The following SSBP2 variants were observed in gnomAD, a reference collection of about 807,000 sequenced individuals.
SSBP2 encodes the protein single-stranded DNA-binding protein 2.
SSBP2 carries 17 observed loss-of-function variants against 61.8 expected under a neutral mutation model. That is an observed-to-expected ratio of 0.28 (90% CI 0.19 to 0.41). The LOEUF is 0.41. Among genes scored for constraint, SSBP2 ranks in the 10% least tolerant of loss-of-function variants. The pLI is 1.00. For synonymous variants in SSBP2, 139 were observed against 141.3 expected (o/e 0.98, Z 0.12); for missense variants, 310 against 458.7 (o/e 0.68, Z 2.96).
At chr5:81,742,272 T>C (rs34670701) in intron 1 of SSBP2, among the ~76,000 whole-genome samples, 17,345 of 152,270 alleles carry the variant, frequency 0.11, 1,167 homozygotes, top group Admixed American at 0.15. Flanking sequence ...CATCATAATA[T>C]AATCTTCCAT....
chr5:81,538,186 AGAT>A (rs1364143157), intron 4 of SSBP2, among the ~76,000 whole-genome samples: 1 of 152,218 alleles, frequency 6.6e-6, no homozygotes, highest in African/African-American at 2.4e-5. Flanking sequence ...AGTGAAACAC[AGAT>A]GATAAGAAAG....
chr5:81,458,679 T>C (rs1012993896), intron 10 of SSBP2, among the ~76,000 whole-genome samples: 2 of 152,158 alleles, frequency 1.3e-5, no homozygotes, highest in African/African-American at 4.8e-5. Flanking sequence ...TGTTTTAATA[T>C]TAAATATGGG....
At chr5:81,587,747 G>T (rs1377108676) in intron 4 of SSBP2, among the ~76,000 whole-genome samples, 1 of 128,230 alleles carries the variant, frequency 7.8e-6, no homozygotes, top group Non-Finnish European at 1.6e-5. Flanking sequence ...ACACACACAC[G>T]CACACACACG....
intron 6 of SSBP2, among the ~76,000 whole-genome samples, chr5:81,482,282 T>C (rs1766050075): frequency 6.6e-6 from 1 of 152,096 alleles, no homozygotes; most frequent in Admixed American, 6.6e-5. Context: ...TTTTTCAGAA[T>C]GGTACATGAG....
At position 81,418,036 on chromosome 5, in the gene SSBP2, G is replaced by A. The variant is rs570362781; in HGVS notation, c.*2468C>T. On this transcript the variant is annotated 3_prime_UTR_variant, in exon 17 of 17. Coordinates refer to ENST00000320672, the MANE Select transcript of SSBP2 (RefSeq NM_012446.5). The stretch of plus-strand genomic sequence containing the variant: ...AAGAAATAATACCTTCTCAGAAGGC[G>A]AAGAAAAGAATTTCAAGATCGGTAA... 7 of 152,270 alleles carry A rather than the reference G, an allele frequency of 4.6e-5. No homozygotes were observed. In the South Asian group the frequency reaches 1.0e-3, roughly 23 times the overall value. 9.4% of individuals were successfully genotyped at this position (152,270 alleles called of 1,614,324 possible).
chr5:81,492,565 T>A lies in SSBP2; in HGVS notation c.373-3256A>T, dbSNP rs567567958. 3.8e-4 allele frequency among the ~76,000 whole-genome samples: 58 copies of A among 151,742 alleles called. 1 individual carries two copies. The highest frequency in any genetic ancestry group is 7.2e-4 in the Non-Finnish European group (49 of 67,954). On this transcript the variant is annotated intron_variant, in intron 5 of 16. Coordinates refer to ENST00000320672, the MANE Select transcript of SSBP2 (RefSeq NM_012446.5). Reference sequence around the variant, plus strand: ...TGTTTGGCTCTTAAAATGTGTTTACTCTTTATGTTTGGGGCAACATTCTTT... The same window carrying A: ...TGTTTGGCTCTTAAAATGTGTTTACACTTTATGTTTGGGGCAACATTCTTT...
At chr5:81,570,823 G>C (rs555619646) in intron 4 of SSBP2, among the ~76,000 whole-genome samples, 2 of 152,182 alleles carry the variant, frequency 1.3e-5, no homozygotes, top group Non-Finnish European at 2.9e-5. Flanking sequence ...CCCTAGTGAA[G>C]TCCATAATAC....
At chr5:81,426,405 C>T (rs1761953206) in intron 16 of SSBP2, among the ~76,000 whole-genome samples, 1 of 152,100 alleles carries the variant, frequency 6.6e-6, no homozygotes, top group South Asian at 2.1e-4. Flanking sequence ...AATTATTTTT[C>T]CTTTTACAAC....
intron 4 of SSBP2, among the ~76,000 whole-genome samples, chr5:81,609,935 A>G (rs184176285): frequency 2.6e-5 from 4 of 152,316 alleles, no homozygotes; most frequent in African/African-American, 9.6e-5. Context: ...GATTCCAGGT[A>G]TTCAACCACC....
intron 1 of SSBP2, among the ~76,000 whole-genome samples, chr5:81,663,141 T>C (rs957367665): frequency 6.6e-6 from 1 of 152,182 alleles, no homozygotes; most frequent in Non-Finnish European, 1.5e-5. Context: ...ATAAGAAAGA[T>C]AGGCAAGATA....
intron 1 of SSBP2, among the ~76,000 whole-genome samples, chr5:81,743,067 T>C (rs1375594283): frequency 6.6e-6 from 1 of 152,194 alleles, no homozygotes; most frequent in Non-Finnish European, 1.5e-5. Context: ...ATCATCATTA[T>C]AAAAGCCCCA....
At position 81,427,960 on chromosome 5, in the gene SSBP2, G is replaced by T. The variant is rs926565884; in HGVS notation, c.1056+625C>A. On this transcript the variant is annotated intron_variant, in intron 16 of 16. Transcript: ENST00000320672. ...ATTACATAGAACTCCTTGAGAAAAG[G>T]CACCATTTTGTCTTTTTGGTCTCTC... is the stretch of plus-strand genomic sequence containing the variant. Among the ~76,000 whole-genome samples the T allele has an allele frequency of 3.3e-5, 5 of 152,242 alleles. No individual in the cohort carries two copies. In the South Asian group the frequency reaches 6.2e-4, roughly 19 times the overall value.
In SSBP2 at chr5:81,417,688, G is replaced by C. The variant is rs1761370492; in HGVS notation, c.*2816C>G. Reference sequence around the variant, plus strand: ...ACAAAAATTAATATACAGATATACTGTCTTCCATTCAGTGCATGAAAGAAT... The same window carrying C: ...ACAAAAATTAATATACAGATATACTCTCTTCCATTCAGTGCATGAAAGAAT... On this transcript the variant is annotated 3_prime_UTR_variant, in exon 17 of 17. Transcript: ENST00000320672. The C allele has an allele frequency of 6.6e-6, 1 of 152,100 alleles. No individual in the cohort carries two copies. The highest frequency in any genetic ancestry group is 6.5e-5 in the Admixed American group (1 of 15,276). The allele number at this position is 152,100 out of a possible 1,614,324, so 9.4% of individuals were successfully genotyped here. A position where few individuals can be genotyped will look rare whatever the true frequency, so the allele number is the denominator to read the frequency against.
At chr5:81,683,682 G>T (rs1752568368) in intron 1 of SSBP2, among the ~76,000 whole-genome samples, 1 of 151,968 alleles carries the variant, frequency 6.6e-6, no homozygotes, top group South Asian at 2.1e-4. Flanking sequence ...AGAATGAGAA[G>T]GCACAGAATG....
chr5:81,688,342 G>T (rs923224769), intron 1 of SSBP2, among the ~76,000 whole-genome samples: 2 of 152,236 alleles, frequency 1.3e-5, no homozygotes, highest in African/African-American at 4.8e-5. Flanking sequence ...AGGACCAGGG[G>T]AAACTTGCCG....
intron 6 of SSBP2, among the ~76,000 whole-genome samples, chr5:81,488,342 T>C (rs1405302250): frequency 1.3e-5 from 2 of 151,912 alleles, no homozygotes; most frequent in African/African-American, 2.4e-5. Context: ...CCTGCAACAG[T>C]GTACAAAAGT....
chr5:81,527,211 TA>T (rs376876476), intron 4 of SSBP2, among the ~76,000 whole-genome samples: 269 of 152,142 alleles, frequency 1.8e-3, no homozygotes, highest in African/African-American at 6.2e-3. Context: ...TTAGATGTAA[TA>T]TTTTTAAATA....
At chr5:81,428,563 A>C in intron 16 of SSBP2, 22 bp downstream of exon 16, 1 of 1,578,356 alleles carries the variant, frequency 6.3e-7, no homozygotes, top group East Asian at 2.2e-5. Flanking sequence ...TTTGAGTATA[A>C]TATAGTCAAG....
intron 4 of SSBP2, among the ~76,000 whole-genome samples, chr5:81,597,523 A>C (rs1221523706): frequency 1.3e-5 from 2 of 152,164 alleles, no homozygotes; most frequent in African/African-American, 2.4e-5. Context: ...TACCCAAAGG[A>C]TTATAAATCA....
Sources: allele counts gnomAD v4.1 joint callset (sites outside exome capture counted in the v4.1 genomes callset), GRCh38; gene constraint gnomAD v4.1.1; transcripts MANE v1.5; gene names NCBI Gene and HGNC (gene_info 2026-07-23, HGNC 2026-07-21).